Variants in CD47 observed in about 807,000 individuals in gnomAD.
CD47 encodes CD47 molecule.
In CD47, 11 loss-of-function variants were observed where a neutral mutation model predicts 44.6. The observed-to-expected ratio is 0.25, with a 90% confidence interval of 0.16 to 0.41. CD47 has a LOEUF of 0.41. Ranked by LOEUF, CD47 falls within the 10% of genes least tolerant of loss-of-function variation. The pLI, the probability that CD47 is intolerant of heterozygous loss-of-function variation, is 1.00. For synonymous variants in CD47, 140 were observed against 136.3 expected, an observed-to-expected ratio of 1.03 and a Z score of -0.19; for missense variants, 306 against 386.7, an observed-to-expected ratio of 0.79 and a Z score of 1.75.
At chr3:108,085,157 T>A (rs1035128960) in intron 1 of CD47, among the ~76,000 whole-genome samples, 1 of 152,118 alleles carries the variant, frequency 6.6e-6, no homozygotes, top group Non-Finnish European at 1.5e-5. Flanking sequence ...TGCAATTCCA[T>A]GACTATGCAA....
intron 1 of CD47, among the ~76,000 whole-genome samples, chr3:108,085,177 C>T (rs2079495395): frequency 2.0e-5 from 3 of 152,098 alleles, no homozygotes; most frequent in Non-Finnish European, 4.4e-5. Context: ...AATGCACTCT[C>T]ATCCCCATGC....
chr3:108,056,443 A>G (rs557744849), intron 7 of CD47, among the ~76,000 whole-genome samples: 4 of 152,326 alleles, frequency 2.6e-5, no homozygotes, highest in South Asian at 4.1e-4. Flanking sequence ...AAATAAAGGT[A>G]AAAGTTTTTT....
Position 108,090,913 on chromosome 3 carries a change from G to C in CD47, c.-5C>G, listed in dbSNP as rs1174503864. On this transcript the variant is annotated 5_prime_UTR_variant, in exon 1 of 11. Transcript: ENST00000361309. ...CGCCGCTACCAGGGGCCACATCTCC[G>C]CGCCCGCCGCGGGGTCGCCGCCGCC... The C allele has an allele frequency of 6.8e-7, 1 of 1,472,998 alleles. No individual in the cohort carries two copies. Among genetic ancestry groups the C allele is most frequent in the African/African-American group, 1.5e-5 (1 of 67,750 alleles). 91.2% of individuals were successfully genotyped at this position (1,472,998 alleles called of 1,614,324 possible).
chr3:108,079,876 A>C, intron 2 of CD47, 115 bp downstream of exon 2: 2 of 644,222 alleles, frequency 3.1e-6, no homozygotes, highest in Non-Finnish European at 5.6e-6. Context: ...AACATTTATT[A>C]ATAACAGCCT....
intron 1 of CD47, among the ~76,000 whole-genome samples, chr3:108,085,293 G>A (rs1251551714): frequency 1.3e-5 from 2 of 152,018 alleles, no homozygotes; most frequent in African/African-American, 4.8e-5. Context: ...ACATTAAGGG[G>A]TCGACCCTAG....
Position 108,047,144 on chromosome 3 carries a change from G to GT in CD47, c.*143dup. On this transcript the variant is annotated 3_prime_UTR_variant, in exon 11 of 11. Transcript: ENST00000361309. ...GAATAAAAACTTAACTAACAATCAC[G>GT]TAAGGGTCTCATAGGTGACAACCAG... 1.9e-6 allele frequency: 1 copy of GT among 525,910 alleles called. No individual in the cohort carries two copies. The highest frequency in any genetic ancestry group is 3.7e-5 in the South Asian group (1 of 26,770). The allele number at this position is 525,910 out of a possible 1,614,324, so 32.6% of individuals were successfully genotyped here.
At chr3:108,057,617 T>A in intron 6 of CD47, 48 bp from the exon 7 acceptor site, 1 of 961,760 alleles carries the variant, frequency 1.0e-6, no homozygotes, top group Admixed American at 2.0e-5. Context: ...ATGAAATAAC[T>A]TACTAAAAAA....
Position 108,045,961 on chromosome 3 carries a change from C to G in CD47, c.*1327G>C, listed in dbSNP as rs1316472249. On this transcript the variant is annotated 3_prime_UTR_variant, in exon 11 of 11. Coordinates refer to ENST00000361309, the MANE Select transcript of CD47 (RefSeq NM_001777.4). The stretch of plus-strand genomic sequence containing the variant: ...ATTAACCTTTGCTCTCCTGTAGGTA[C>G]CCCACCTTTGTCCATACAGAAGATG... 6.6e-6 allele frequency: 1 copy of G among 152,156 alleles called. No homozygotes were observed. The highest frequency in any genetic ancestry group is 1.5e-5 in the Non-Finnish European group (1 of 68,040). The allele number at this position is 152,156 out of a possible 1,614,324, so 9.4% of individuals were successfully genotyped here. A position where few individuals can be genotyped will look rare whatever the true frequency, so the allele number is the denominator to read the frequency against.
At chr3:108,064,613 A>T (rs2079072726) in intron 3 of CD47, among the ~76,000 whole-genome samples, 1 of 152,132 alleles carries the variant, frequency 6.6e-6, no homozygotes, top group Admixed American at 6.5e-5. Context: ...GATTTGACAC[A>T]CCCATATAGG....
intron 3 of CD47, among the ~76,000 whole-genome samples, chr3:108,067,250 A>G (rs2079119360): frequency 6.6e-6 from 1 of 152,276 alleles, no homozygotes; most frequent in South Asian, 2.1e-4. Flanking sequence ...TTTAAAGGTC[A>G]TGGAACAATA....
At position 108,047,029 on chromosome 3, in the gene CD47, A is replaced by G. The variant is rs1177609611; in HGVS notation, c.*259T>C. 2.4e-6 allele frequency: 1 copy of G among 411,794 alleles called. No individual in the cohort carries two copies. The highest frequency in any genetic ancestry group is 2.1e-5 in the African/African-American group (1 of 48,544). 25.5% of individuals were successfully genotyped at this position (411,794 alleles called of 1,614,324 possible). ...ATTGTCCATTCTACTATTGCCCCTAATTGATTAAAAATAACAACAAAAAAC... is the reference window on the plus strand; with the variant it reads ...ATTGTCCATTCTACTATTGCCCCTAGTTGATTAAAAATAACAACAAAAAAC... On this transcript the variant is annotated 3_prime_UTR_variant, in exon 11 of 11. Transcript: ENST00000361309.
rs192509892 is a variant in CD47 at position 108,067,520 on chromosome 3, G to A, written c.490+3573C>T. On this transcript the variant is annotated intron_variant, in intron 3 of 10. Transcript: ENST00000361309. ...CTTAAAATGATATCAGAGTGAGAAA[G>A]AAGAATCCTGAAAATCAGCCAGGAA... 1.9e-3 allele frequency among the ~76,000 whole-genome samples: 283 copies of A among 152,296 alleles called. 1 individual carries two copies. The highest frequency in any genetic ancestry group is 0.014 in the South Asian group (69 of 4,830).
At chr3:108,078,080 A>G (rs1218760823) in intron 2 of CD47, among the ~76,000 whole-genome samples, 1 of 152,064 alleles carries the variant, frequency 6.6e-6, no homozygotes, top group Non-Finnish European at 1.5e-5. Context: ...GTGTCACATA[A>G]GAGGAAACCA....
chr3:108,074,561 G>A (rs559238020), intron 2 of CD47, among the ~76,000 whole-genome samples: 2 of 152,154 alleles, frequency 1.3e-5, no homozygotes, highest in East Asian at 1.9e-4. Context: ...TGATCCACCT[G>A]CCTCAGCCTC....
chr3:108,066,768 T>C (rs2079111717), intron 3 of CD47, among the ~76,000 whole-genome samples: 1 of 152,196 alleles, frequency 6.6e-6, no homozygotes, highest in South Asian at 2.1e-4. Flanking sequence ...ATTGTGCGAA[T>C]GTCGACATTA....
chr3:108,050,865 C>T (rs2078814531), intron 8 of CD47: 1 of 439,176 alleles, frequency 2.3e-6, no homozygotes, highest in Non-Finnish European at 4.5e-6. Context: ...CCACTCTCAG[C>T]TCAAGAAATT....
chr3:108,085,637 C>G (rs2079505587), intron 1 of CD47, among the ~76,000 whole-genome samples: 1 of 152,092 alleles, frequency 6.6e-6, no homozygotes. Flanking sequence ...TGTCACTGTA[C>G]CTACTACTGT....
At chr3:108,070,603 C>T (rs1163166223) in intron 3 of CD47, among the ~76,000 whole-genome samples, 1 of 152,140 alleles carries the variant, frequency 6.6e-6, no homozygotes, top group East Asian at 1.9e-4. Flanking sequence ...TGCAGAACTG[C>T]ACGCAGAGGA....
intron 6 of CD47, among the ~76,000 whole-genome samples, chr3:108,058,107 T>C (rs954342017): frequency 1.3e-5 from 2 of 152,184 alleles, no homozygotes; most frequent in African/African-American, 4.8e-5. Context: ...CTCTTTACAG[T>C]CCCGTAATTG....
Sources: gnomAD v4.1 joint callset for allele counts (sites outside exome capture counted in the v4.1 genomes callset) on GRCh38, gnomAD v4.1.1 for gene constraint, MANE v1.5 for transcripts, NCBI Gene and HGNC (gene_info 2026-07-23, HGNC 2026-07-21) for gene names.